Variants in CEP192 observed in about 807,000 individuals in gnomAD.
The protein encoded by CEP192 is centrosomal protein 192.
A neutral mutation model predicts 271.8 loss-of-function variants in CEP192; 151 were observed. The observed-to-expected ratio is 0.56, with a 90% confidence interval of 0.49 to 0.64. CEP192 has a LOEUF of 0.64. Among genes scored for constraint, CEP192 ranks in the 30% least tolerant of loss-of-function variants. The pLI, the probability that CEP192 is intolerant of heterozygous loss-of-function variation, is 0.00. For missense variants in CEP192, 2,910 were observed against 3,020.5 expected (o/e 0.96, Z 0.86); for synonymous variants, 995 against 1,076.5 (o/e 0.92, Z 1.48).
intron 28 of CEP192, among the ~76,000 whole-genome samples, chr18:13,072,140 C>CT (rs1011439404): frequency 6.6e-6 from 1 of 152,162 alleles, no homozygotes; most frequent in African/African-American, 2.4e-5. Flanking sequence ...TTATTAGCTG[C>CT]TGATCTTCCC....
chr18:13,016,926 T>G (rs192996879), intron 6 of CEP192, among the ~76,000 whole-genome samples: 1 of 152,254 alleles, frequency 6.6e-6, no homozygotes, highest in Non-Finnish European at 1.5e-5. Flanking sequence ...ATGCCACATT[T>G]ATTGTATCCT....
intron 33 of CEP192, among the ~76,000 whole-genome samples, chr18:13,090,338 T>C (rs1368117950): frequency 1.3e-5 from 2 of 152,192 alleles, no homozygotes; most frequent in Non-Finnish European, 2.9e-5. Flanking sequence ...TCACAAAACC[T>C]TTTTGAAGTT....
At chr18:13,073,722 C>T (rs562364787) in intron 30 of CEP192, among the ~76,000 whole-genome samples, 32 of 152,286 alleles carry the variant, frequency 2.1e-4, no homozygotes, top group Non-Finnish European at 4.0e-4. Flanking sequence ...GTGAGAAGGA[C>T]GAGAGTGCTG....
In CEP192 at chr18:13,087,274, A is replaced by G; in HGVS notation, c.5874A>G (p.Gln1958=). Residue 1958 remains glutamine, a synonymous_variant, in exon 31 of 45, where the codon CAA becomes CAG. Coordinates refer to ENST00000506447, the MANE Select transcript of CEP192 (RefSeq NM_032142.4). ...AATTTGTACTCAAGGAAAGAACACAAGAAGTAAGTACAAAAGTTTCTGTGC... is the reference window on the plus strand; with the variant it reads ...AATTTGTACTCAAGGAAAGAACACAGGAAGTAAGTACAAAAGTTTCTGTGC... ...PDKFVLKERT[Q]ENVTLIYNPS... 1 of 1,595,756 alleles carries G rather than the reference A, an allele frequency of 6.3e-7. No homozygotes were observed. The highest frequency in any genetic ancestry group is 8.6e-7 in the Non-Finnish European group (1 of 1,167,194).
At chr18:13,051,959 T>TGAAG (rs1279269648) in intron 17 of CEP192, among the ~76,000 whole-genome samples, 1 of 152,226 alleles carries the variant, frequency 6.6e-6, no homozygotes, top group Non-Finnish European at 1.5e-5. Context: ...TCCATCCAAG[T>TGAAG]GAAGGGCTGA....
In CEP192 at chr18:13,124,011, T is replaced by TTAGC. The variant is rs550131941; in HGVS notation, c.7476-619_7476-616dup. On this transcript the variant is annotated intron_variant, in intron 44 of 44. Coordinates refer to ENST00000506447, the MANE Select transcript of CEP192 (RefSeq NM_032142.4). Reference sequence around the variant, plus strand: ...CCCGCCTCTACTAAAAATACAAAAATTAGCTGGGTGCGGTGATGGGCGCCT... The same window carrying TTAGC: ...CCCGCCTCTACTAAAAATACAAAAATTAGCTAGCTGGGTGCGGTGATGGGCGCCT... 5.9e-3 allele frequency among the ~76,000 whole-genome samples: 902 copies of TTAGC among 152,134 alleles called. 9 individuals are homozygous for TTAGC. Among genetic ancestry groups the TTAGC allele is most frequent in the African/African-American group, 0.021 (867 of 41,488 alleles).
chr18:13,091,440 T>C (rs1209726278), intron 33 of CEP192, among the ~76,000 whole-genome samples: 1 of 139,140 alleles, frequency 7.2e-6, no homozygotes, highest in African/African-American at 2.8e-5. Context: ...CAGTTTCACT[T>C]TTTCATGTTG....
chr18:13,048,774 C>T (rs1028268335), intron 15 of CEP192, 85 bp from the exon 16 acceptor site: 117 of 883,954 alleles, frequency 1.3e-4, no homozygotes, highest in Non-Finnish European at 2.0e-4. Flanking sequence ...GGTTTTGAAA[C>T]GCATCTCCCA....
chr18:12,997,235 C>T (rs1452311683), intron 1 of CEP192, among the ~76,000 whole-genome samples: 2 of 151,900 alleles, frequency 1.3e-5, no homozygotes, highest in African/African-American at 2.4e-5. Flanking sequence ...GGAATCAGAC[C>T]GAGGGGTTGA....
chr18:13,003,990 G>A (rs1239465814), intron 3 of CEP192, among the ~76,000 whole-genome samples: 1 of 152,174 alleles, frequency 6.6e-6, no homozygotes, highest in East Asian at 1.9e-4. Context: ...GTGATCAGAG[G>A]AAGGAGAAAA....
chr18:13,029,371 A>T (rs2035484243), intron 9 of CEP192, among the ~76,000 whole-genome samples: 1 of 152,238 alleles, frequency 6.6e-6, no homozygotes, highest in Admixed American at 6.5e-5. Flanking sequence ...TTGGGCTGAC[A>T]ACATTTCTAT....
At chr18:12,999,879 T>A (rs1297897457) in intron 2 of CEP192, among the ~76,000 whole-genome samples, 2 of 150,646 alleles carry the variant, frequency 1.3e-5, no homozygotes, top group African/African-American at 2.4e-5. Flanking sequence ...ATTAGTTCAG[T>A]CACACTAATG....
chr18:13,105,133 C>A, intron 40 of CEP192, 54 bp downstream of exon 40: 1 of 1,232,972 alleles, frequency 8.1e-7, no homozygotes, highest in Non-Finnish European at 1.2e-6. Context: ...TCCAGGAGTG[C>A]CTCATTGGAT....
intron 42 of CEP192, among the ~76,000 whole-genome samples, chr18:13,114,835 AG>A (rs1273742916): frequency 6.6e-6 from 1 of 152,204 alleles, no homozygotes; most frequent in East Asian, 1.9e-4. Flanking sequence ...TTCCCTAAAT[AG>A]TTGTACCATT....
At chr18:13,053,872 T>G (rs1304077864) in intron 18 of CEP192, among the ~76,000 whole-genome samples, 1 of 152,032 alleles carries the variant, frequency 6.6e-6, no homozygotes, top group East Asian at 1.9e-4. Flanking sequence ...CATTTTTTTT[T>G]GTAGAAACAG....
At position 13,048,990 on chromosome 18, in the gene CEP192, A is replaced by G. The variant is rs562814678; in HGVS notation, c.2199A>G (p.Gln733=). The G allele has an allele frequency of 6.2e-7, 1 of 1,614,046 alleles. No individual in the cohort carries two copies. The highest frequency in any genetic ancestry group is 1.3e-5 in the African/African-American group (1 of 74,936). ...AEASVNTDPS[Q]LAAMIKALSN... ...CATCAGTTAATACTGATCCTTCCCA[A>G]CTTGCTGCAATGATCAAGGCACTTT... The change falls in exon 16 of 45, where the codon CAA becomes CAG. Residue 733 remains glutamine, a synonymous_variant. Transcript: ENST00000506447.
intron 25 of CEP192, 31 bp from the exon 26 acceptor site, chr18:13,069,058 G>T: frequency 1.2e-6 from 2 of 1,613,482 alleles, no homozygotes; most frequent in Non-Finnish European, 8.5e-7. Flanking sequence ...GTGACAGTTC[G>T]TTGAAATGTC....
intron 40 of CEP192, among the ~76,000 whole-genome samples, chr18:13,112,000 AT>A (rs2040231405): frequency 6.6e-6 from 1 of 152,236 alleles, no homozygotes; most frequent in African/African-American, 2.4e-5. Context: ...ATGTGGGGAA[AT>A]TGGAACCCTG....
chr18:13,050,620 G>T (rs1322891914), intron 17 of CEP192, among the ~76,000 whole-genome samples: 2 of 151,276 alleles, frequency 1.3e-5, no homozygotes, highest in African/African-American at 4.9e-5. Context: ...CGCTCTGTGG[G>T]CCAGGCTGGA....
Sources: gnomAD v4.1 joint callset for allele counts (sites outside exome capture counted in the v4.1 genomes callset) on GRCh38, gnomAD v4.1.1 for gene constraint, MANE v1.5 for transcripts, NCBI Gene and HGNC (gene_info 2026-07-23, HGNC 2026-07-21) for gene names.